ZNF518B: variants seen among roughly 807,000 people sequenced by gnomAD.
ZNF518B encodes the protein zinc finger protein 518B.
In ZNF518B, 23 loss-of-function variants were observed where a neutral mutation model predicts 56.3. The observed-to-expected ratio is 0.41, with a 90% confidence interval of 0.29 to 0.58. The LOEUF (loss-of-function observed/expected upper bound fraction) is 0.58. Among genes scored for constraint, ZNF518B ranks in the 20% least tolerant of loss-of-function variants. ZNF518B has a pLI of 0.32. For missense variants in ZNF518B, 1,460 were observed against 1,272.1 expected, an observed-to-expected ratio of 1.15 and a Z score of -2.25; for synonymous variants, 529 against 465.9, an observed-to-expected ratio of 1.14 and a Z score of -1.74.
rs1714762993 is a variant in ZNF518B at position 10,443,238 on chromosome 4, A to G, written c.3091T>C (p.Ser1031Pro). 6.2e-7 allele frequency: 1 copy of G among 1,614,096 alleles called. No homozygotes were observed. Among genetic ancestry groups the G allele is most frequent in the African/African-American group, 1.3e-5 (1 of 74,936 alleles). ...YQVVDSLPDD[S>P]SQCVFKCWFC... ...CAGCACTTAAATACACACTGTGAAG[A>G]ATCATCAGGCAAGGAATCCACTACC... is the stretch of plus-strand genomic sequence containing the variant. Residue 1031 changes from serine (S) to proline (P), a missense_variant, in exon 3 of 3, where the codon TCT (serine) becomes CCT (proline). Coordinates refer to ENST00000326756, the MANE Select transcript of ZNF518B (RefSeq NM_053042.3).
At chr4:10,450,194 T>A (rs139645633) in intron 2 of ZNF518B, among the ~76,000 whole-genome samples, 1 of 152,170 alleles carries the variant, frequency 6.6e-6, no homozygotes, top group African/African-American at 2.4e-5. Context: ...AGTGCCAATA[T>A]GAAGCATGCA....
In ZNF518B at chr4:10,443,098, G is replaced by A; in HGVS notation, c.*6C>T. 6.2e-7 allele frequency: 1 copy of A among 1,606,822 alleles called. No individual in the cohort carries two copies. The highest frequency in any genetic ancestry group is 1.1e-5 in the South Asian group (1 of 90,258). On this transcript the variant is annotated 3_prime_UTR_variant, in exon 3 of 3. Transcript: ENST00000326756. ...AGATAACTTGCTTTAAAGAGTAACTGTTTACTTATTTGCCCTTGGAGGAAA... is the reference window on the plus strand; with the variant it reads ...AGATAACTTGCTTTAAAGAGTAACTATTTACTTATTTGCCCTTGGAGGAAA...
upstream of ZNF518B, among the ~76,000 whole-genome samples, chr4:10,460,191 G>C (rs1715697375): frequency 1.3e-5 from 2 of 151,084 alleles, no homozygotes; most frequent in East Asian, 3.9e-4. Flanking sequence ...TGTAATCCCA[G>C]CTACTCAGGA....
chr4:10,460,047 G>C (rs1048163019), upstream of ZNF518B, among the ~76,000 whole-genome samples: 3 of 152,028 alleles, frequency 2.0e-5, no homozygotes, highest in Non-Finnish European at 4.4e-5. Context: ...GCTCATGCCT[G>C]TAATCCTAGC....
intron 2 of ZNF518B, 72 bp downstream of exon 2, chr4:10,454,733 G>A (rs1448665527): frequency 2.0e-5 from 3 of 152,252 alleles, no homozygotes; most frequent in East Asian, 3.8e-4. Context: ...TTTGTTTTCT[G>A]CTACCCTGCT....
Position 10,446,480 on chromosome 4 carries a change from G to T in ZNF518B, c.-152C>A, listed in dbSNP as rs928699936. 6 of 687,904 alleles carry T rather than the reference G, an allele frequency of 8.7e-6. No homozygotes were observed. Among genetic ancestry groups the T allele is most frequent in the Non-Finnish European group, 1.5e-5 (6 of 410,414 alleles). 42.6% of individuals were successfully genotyped at this position (687,904 alleles called of 1,614,324 possible). On this transcript the variant is annotated 5_prime_UTR_variant, in exon 3 of 3. Coordinates refer to ENST00000326756, the MANE Select transcript of ZNF518B (RefSeq NM_053042.3). ...TAATTATCTTTCTTTATATACTGCC[G>T]CAGTAGGTGCATGATCCCAAAATAT...
chr4:10,443,863 G>C lies in ZNF518B; in HGVS notation c.2466C>G (p.Asp822Glu). Residue 822 changes from aspartate (D) to glutamate (E), a missense_variant, in exon 3 of 3, where the codon GAC becomes GAG. Physicochemically the swap from Asp to Glu is conservative, Grantham distance 45. Transcript: ENST00000326756. ...CCCTTTCACTTCTTAAAGGCTGTAA[G>C]TCTGAGTCCGCCTGTCTCACAGGGC... ...PFCPVRQADSDLQPLRSERGP... is the reference protein window; with the variant it reads ...PFCPVRQADSELQPLRSERGP... 6.2e-7 allele frequency: 1 copy of C among 1,614,200 alleles called. No individual in the cohort carries two copies. Among genetic ancestry groups the C allele is most frequent in the Non-Finnish European group, 8.5e-7 (1 of 1,180,030 alleles).
upstream of ZNF518B, among the ~76,000 whole-genome samples, chr4:10,460,333 A>AAAAAAC: frequency 1.4e-5 from 2 of 147,302 alleles, no homozygotes; most frequent in Non-Finnish European, 3.0e-5. Context: ...ACCAAAAAAA[A>AAAAAAC]AAAAACCGAC....
intron 2 of ZNF518B, chr4:10,453,532 TTA>T (rs928517499): frequency 5.9e-5 from 9 of 151,530 alleles, no homozygotes; most frequent in African/African-American, 2.2e-4. Context: ...AAAAAAGAAT[TTA>T]GAGTGCTTGA....
At chr4:10,448,525 T>C (rs1426866374) in intron 2 of ZNF518B, among the ~76,000 whole-genome samples, 1 of 152,132 alleles carries the variant, frequency 6.6e-6, no homozygotes, top group Non-Finnish European at 1.5e-5. Context: ...CCTACTCTAC[T>C]TTTGCGAAAG....
At position 10,441,432 on chromosome 4, in the gene ZNF518B, C is replaced by T. The variant is rs1032688150; in HGVS notation, c.*1672G>A. 2.6e-4 allele frequency: 27 copies of T among 101,982 alleles called. No individual in the cohort carries two copies. The highest frequency in any genetic ancestry group is 5.2e-4 in the Non-Finnish European group (26 of 50,366). 6.3% of individuals were successfully genotyped at this position (101,982 alleles called of 1,614,324 possible). A position where few individuals can be genotyped will look rare whatever the true frequency, so the allele number is the denominator to read the frequency against. ...TCCATCTACTGGAATCTAAGACTTTCCCATGTGAAAAAAAAAAAAAAAAAT... is the reference window on the plus strand; with the variant it reads ...TCCATCTACTGGAATCTAAGACTTTTCCATGTGAAAAAAAAAAAAAAAAAT... On this transcript the variant is annotated 3_prime_UTR_variant, in exon 3 of 3. Coordinates refer to ENST00000326756, the MANE Select transcript of ZNF518B (RefSeq NM_053042.3).
intron 1 of ZNF518B, among the ~76,000 whole-genome samples, chr4:10,455,311 A>C (rs577132285): frequency 6.6e-6 from 1 of 152,312 alleles, no homozygotes; most frequent in Non-Finnish European, 1.5e-5. Context: ...TGAATCCTGG[A>C]AATTGCAGTT....
In ZNF518B at chr4:10,442,134, A is replaced by T. The variant is rs1714709771; in HGVS notation, c.*970T>A. 1 of 152,212 alleles carries T rather than the reference A, an allele frequency of 6.6e-6. No individual in the cohort carries two copies. Among genetic ancestry groups the T allele is most frequent in the South Asian group, 2.1e-4 (1 of 4,818 alleles). The allele number at this position is 152,212 out of a possible 1,614,324, so 9.4% of individuals were successfully genotyped here. On this transcript the variant is annotated 3_prime_UTR_variant, in exon 3 of 3. Transcript: ENST00000326756. ...TGAATCAAAGGGATCAAGAAGAGAGAAGACAGCATCCACCCATGGTCTTTG... is the reference window on the plus strand; with the variant it reads ...TGAATCAAAGGGATCAAGAAGAGAGTAGACAGCATCCACCCATGGTCTTTG...
chr4:10,444,021 C>T lies in ZNF518B; in HGVS notation c.2308G>A (p.Val770Met). ...AACACAGCCCCTTTGGGGATTAACA[C>T]TGGCGTGGCAACATGAGCCTTCCTG... ...VARKAHVATP[V>M]LIPKGAVLRV... The change falls in exon 3 of 3, where the codon GTG becomes ATG. Residue 770 changes from valine to methionine, a missense_variant. By Grantham distance (21) the Val-to-Met change is conservative. Transcript: ENST00000326756. The T allele has an allele frequency of 6.2e-7, 1 of 1,614,242 alleles. No homozygotes were observed. The highest frequency in any genetic ancestry group is 8.5e-7 in the Non-Finnish European group (1 of 1,180,038).
At chr4:10,449,688 C>T (rs1229414848) in intron 2 of ZNF518B, among the ~76,000 whole-genome samples, 3 of 152,196 alleles carry the variant, frequency 2.0e-5, no homozygotes, top group Non-Finnish European at 4.4e-5. Flanking sequence ...TGTTTATGCT[C>T]TGATCTACCA....
Position 10,446,170 on chromosome 4 carries a change from G to A in ZNF518B, c.159C>T (p.Ala53=), listed in dbSNP as rs1465816185. The change falls in exon 3 of 3, where the codon GCC becomes GCT. Residue 53 remains alanine (A), a synonymous_variant. Coordinates refer to ENST00000326756, the MANE Select transcript of ZNF518B (RefSeq NM_053042.3). ...LLYQGSEAEA[A]MMTIATCAKC... ...TTGCACATGTAGCAATGGTCATCAT[G>A]GCAGCCTCTGCCTCTGAGCCTTGAT... 1 of 1,614,164 alleles carries A rather than the reference G, an allele frequency of 6.2e-7. No individual in the cohort carries two copies. The highest frequency in any genetic ancestry group is 1.7e-5 in the Admixed American group (1 of 60,024).
At chr4:10,460,734 C>T (rs1186105576), upstream of ZNF518B, among the ~76,000 whole-genome samples, 1 of 152,208 alleles carries the variant, frequency 6.6e-6, no homozygotes, top group Non-Finnish European at 1.5e-5. Flanking sequence ...TTGCTCTGAA[C>T]TTCCTTCCAT....
chr4:10,444,532 A>T lies in ZNF518B; in HGVS notation c.1797T>A (p.His599Gln), dbSNP rs764613041. 2.4e-5 allele frequency: 39 copies of T among 1,614,016 alleles called. No individual in the cohort carries two copies. In the Middle Eastern group the frequency reaches 9.9e-4, roughly 41 times the overall value. The change falls in exon 3 of 3, where the codon CAT (histidine) becomes CAA (glutamine). Residue 599 changes from histidine (H) to glutamine (Q), a missense_variant. Coordinates refer to ENST00000326756, the MANE Select transcript of ZNF518B (RefSeq NM_053042.3). ...ISSQHKSEYL[H>Q]INITGEDRSQ... ...ATCTATCTTCTCCAGTTATGTTTAT[A>T]TGTAAATACTCACTCTTATGTTGAG...
Position 10,440,004 on chromosome 4 carries a change from A to C in ZNF518B, c.*3100T>G, listed in dbSNP as rs978740498. 1 of 152,680 alleles carries C rather than the reference A, an allele frequency of 6.5e-6. No individual in the cohort carries two copies. The highest frequency in any genetic ancestry group is 1.5e-5 in the Non-Finnish European group (1 of 68,038). 9.5% of individuals were successfully genotyped at this position (152,680 alleles called of 1,614,324 possible). A position where few individuals can be genotyped will look rare whatever the true frequency, so the allele number is the denominator to read the frequency against. On this transcript the variant is annotated 3_prime_UTR_variant, in exon 3 of 3. Transcript: ENST00000326756. ...ACAAACTGTTAACACAGGAATTACA[A>C]TAATGCTTAAAACATGTTACACAAT...
Sources: gnomAD v4.1 joint callset for allele counts (sites outside exome capture counted in the v4.1 genomes callset) on GRCh38, gnomAD v4.1.1 for gene constraint, MANE v1.5 for transcripts, NCBI Gene and HGNC (gene_info 2026-07-23, HGNC 2026-07-21) for gene names.